The following RGS8 variants were observed in gnomAD, a reference collection of about 807,000 sequenced individuals.
The protein encoded by RGS8 is regulator of G-protein signaling 8.
In RGS8, 8 loss-of-function variants were observed where a neutral mutation model predicts 21.7. The ratio of observed to expected loss-of-function variants is 0.37; its 90% CI spans 0.22 to 0.66. The LOEUF is 0.66. Ranked by LOEUF, RGS8 falls within the 30% of genes least tolerant of loss-of-function variation. The pLI is 0.59. For missense variants in RGS8, 157 were observed against 217.9 expected, an observed-to-expected ratio of 0.72 and a Z score of 1.76; for synonymous variants, 80 against 83.6, an observed-to-expected ratio of 0.96 and a Z score of 0.24.
At chr1:182,698,637 A>G in the RGS8 span, among the ~76,000 whole-genome samples, 15 of 152,330 alleles carry the variant, frequency 9.8e-5, no homozygotes, top group East Asian at 2.9e-3. Flanking sequence ...TTAAAGCCAC[A>G]TAGCCCTTTC....
At chr1:182,669,117 C>A (rs1411936847) in intron 3 of RGS8, among the ~76,000 whole-genome samples, 1 of 152,218 alleles carries the variant, frequency 6.6e-6, no homozygotes, top group East Asian at 1.9e-4. Context: ...TTGCAAAAAT[C>A]TTCAACAAAA....
At chr1:182,695,006 G>T in the RGS8 span, among the ~76,000 whole-genome samples, 18 of 152,044 alleles carry the variant, frequency 1.2e-4, no homozygotes, top group Admixed American at 3.9e-4. Context: ...AGTGCATTGG[G>T]TTGTTGTTTT....
chr1:182,661,694 T>A (rs1476690594), intron 5 of RGS8, among the ~76,000 whole-genome samples: 2 of 152,110 alleles, frequency 1.3e-5, no homozygotes, highest in Non-Finnish European at 2.9e-5. Context: ...AGAATACACA[T>A]GATTTTATGC....
chr1:182,719,778 G>C, the RGS8 span, among the ~76,000 whole-genome samples: 1 of 151,586 alleles, frequency 6.6e-6, no homozygotes, highest in African/African-American at 2.4e-5. Flanking sequence ...AAACACTGTT[G>C]CAGAGCAACC....
the RGS8 span, among the ~76,000 whole-genome samples, chr1:182,721,384 T>C: frequency 6.6e-6 from 1 of 152,242 alleles, no homozygotes; most frequent in Non-Finnish European, 1.5e-5. Flanking sequence ...TCTAGGGATG[T>C]CATTAGAAAT....
chr1:182,692,090 C>T, the RGS8 span, among the ~76,000 whole-genome samples: 1 of 151,276 alleles, frequency 6.6e-6, no homozygotes, highest in East Asian at 1.9e-4. Flanking sequence ...ACTGCAAACT[C>T]TGCCTCCTGG....
At chr1:182,705,905 C>A in the RGS8 span, among the ~76,000 whole-genome samples, 1 of 152,192 alleles carries the variant, frequency 6.6e-6, no homozygotes, top group Middle Eastern at 3.2e-3. Context: ...GACATTGGAG[C>A]AACAGGCCCT....
chr1:182,725,515 C>T, the RGS8 span, among the ~76,000 whole-genome samples: 1 of 152,106 alleles, frequency 6.6e-6, no homozygotes, highest in South Asian at 2.1e-4. Flanking sequence ...AGAAAGAACA[C>T]ACGAGATGGG....
chr1:182,747,258 A>G, the RGS8 span, among the ~76,000 whole-genome samples: 168 of 151,874 alleles, frequency 1.1e-3, no homozygotes, highest in African/African-American at 3.7e-3. Context: ...GAATTGAACC[A>G]GGAGATCCAG....
the RGS8 span, among the ~76,000 whole-genome samples, chr1:182,691,607 T>TAAAAA: frequency 3.7e-5 from 1 of 27,226 alleles, no homozygotes; most frequent in Non-Finnish European, 6.5e-5. Flanking sequence ...CCCTTCATGT[T>TAAAAA]AAAAAAAAAA....
At chr1:182,723,253 T>C in the RGS8 span, among the ~76,000 whole-genome samples, 2 of 152,198 alleles carry the variant, frequency 1.3e-5, no homozygotes, top group African/African-American at 4.8e-5. Context: ...AGCAGGATGG[T>C]TCTGGCTCAG....
intron 1 of RGS8, among the ~76,000 whole-genome samples, chr1:182,683,307 A>G (rs1256980268): frequency 6.6e-6 from 1 of 152,228 alleles, no homozygotes; most frequent in East Asian, 1.9e-4. Context: ...ACCATGTTGC[A>G]TGTTCAGAGC....
intron 1 of RGS8, among the ~76,000 whole-genome samples, chr1:182,679,150 A>G (rs1273844965): frequency 6.6e-6 from 1 of 151,974 alleles, no homozygotes; most frequent in Admixed American, 6.5e-5. Flanking sequence ...CATCTCTTTT[A>G]TTTAAAAAAA....
intron 5 of RGS8, among the ~76,000 whole-genome samples, chr1:182,657,173 G>A (rs559369607): frequency 4.0e-5 from 6 of 149,628 alleles, no homozygotes; most frequent in Admixed American, 6.7e-5. Context: ...AGCCTACTGC[G>A]TGGAATAGAG....
At chr1:182,698,776 T>C in the RGS8 span, among the ~76,000 whole-genome samples, 1 of 152,230 alleles carries the variant, frequency 6.6e-6, no homozygotes, top group Non-Finnish European at 1.5e-5. Flanking sequence ...AGGGCAGAGT[T>C]GCCCCAGCTA....
At chr1:182,648,179 A>G (rs780836447) in exon 6 of RGS8, 1 of 1,613,410 alleles carries the variant, frequency 6.2e-7, no homozygotes, top group Non-Finnish European at 8.5e-7. Flanking sequence ...CAAAGATCCT[A>G]TGGGCCTTAG....
At chr1:182,668,764 C>T (rs889069139) in intron 3 of RGS8, among the ~76,000 whole-genome samples, 16 of 152,204 alleles carry the variant, frequency 1.1e-4, no homozygotes, top group African/African-American at 4.8e-5. Flanking sequence ...CCTGCGACAG[C>T]GGGCATCTTA....
intron 5 of RGS8, among the ~76,000 whole-genome samples, chr1:182,649,731 A>G (rs1662904413): frequency 6.6e-6 from 1 of 152,166 alleles, no homozygotes; most frequent in African/African-American, 2.4e-5. Context: ...AGTTATTTCA[A>G]CCTCAACACA....
At chr1:182,682,357 G>T (rs1664563473) in intron 1 of RGS8, among the ~76,000 whole-genome samples, 1 of 152,156 alleles carries the variant, frequency 6.6e-6, no homozygotes. Context: ...TGGCAAGAGT[G>T]GTGGGCTTAA....
Sources: gnomAD v4.1 joint callset for allele counts (sites outside exome capture counted in the v4.1 genomes callset) on GRCh38, gnomAD v4.1.1 for gene constraint, MANE v1.5 for transcripts, NCBI Gene and HGNC (gene_info 2026-07-23, HGNC 2026-07-21) for gene names.